Variants in PPM1L observed in about 807,000 individuals in gnomAD.
The protein encoded by PPM1L is protein phosphatase 1L.
In PPM1L, 13 loss-of-function variants were observed where a neutral mutation model predicts 31.4. The observed-to-expected ratio is 0.41, with a 90% CI of 0.27 to 0.66. The LOEUF is 0.66. PPM1L is among the 30% of genes least tolerant of loss of function. The pLI is 0.29. For synonymous variants in PPM1L, 184 were observed against 175.4 expected (o/e 1.05, Z -0.39); for missense variants, 326 against 453.7 (o/e 0.72, Z 2.56).
At chr3:160,933,419 A>T (rs1376278032) in intron 1 of PPM1L, among the ~76,000 whole-genome samples, 1 of 152,242 alleles carries the variant, frequency 6.6e-6, no homozygotes, top group African/African-American at 2.4e-5. Flanking sequence ...GTAAGCATAA[A>T]GGTATCTTCA....
At position 161,065,607 on chromosome 3, in the gene PPM1L, G is replaced by GT; in HGVS notation, c.736+43_736+44insT. The GT allele has an allele frequency of 1.9e-6, 3 of 1,591,350 alleles. No individual in the cohort carries two copies. The South Asian group carries it at 3.4e-5, about 18-fold the overall frequency. On this transcript the variant is annotated intron_variant, in intron 3 of 3. Transcript: ENST00000498165. ...TCCAAGAAATGTCTGCTGTCTTGCT[G>GT]GTGAACAAGGCGGCTTGCTTGGAGA...
intron 1 of PPM1L, among the ~76,000 whole-genome samples, chr3:160,916,727 TAA>T (rs1322526551): frequency 6.6e-6 from 1 of 152,166 alleles, no homozygotes; most frequent in African/African-American, 2.4e-5. Flanking sequence ...GTTTCTAACT[TAA>T]GTTACTGCTT....
intron 2 of PPM1L, among the ~76,000 whole-genome samples, chr3:161,046,375 C>T (rs1419226838): frequency 6.6e-6 from 1 of 151,918 alleles, no homozygotes; most frequent in Non-Finnish European, 1.5e-5. Flanking sequence ...TACACCATCC[C>T]GAGACTAAAC....
intron 1 of PPM1L, among the ~76,000 whole-genome samples, chr3:160,805,677 A>G (rs1348732176): frequency 6.6e-6 from 1 of 152,148 alleles, no homozygotes; most frequent in Non-Finnish European, 1.5e-5. Flanking sequence ...AGCCGAGATC[A>G]TGCCGTTGCA....
chr3:160,944,006 C>T (rs1715243675), intron 1 of PPM1L, among the ~76,000 whole-genome samples: 2 of 152,166 alleles, frequency 1.3e-5, no homozygotes, highest in South Asian at 4.1e-4. Flanking sequence ...TGCTTTATGA[C>T]ATCTGGAACT....
intron 1 of PPM1L, among the ~76,000 whole-genome samples, chr3:160,809,477 C>A (rs9883862): frequency 0.55 from 83,077 of 151,918 alleles, 26,128 homozygotes; most frequent in African/African-American, 0.87. Flanking sequence ...TCAACCCCTC[C>A]GTTGTGGGAG....
chr3:160,775,940 A>G lies in PPM1L; in HGVS notation c.399+19233A>G, dbSNP rs1342972821. Among the ~76,000 whole-genome samples the G allele has an allele frequency of 4.6e-5, 7 of 152,354 alleles. No homozygotes were observed. The East Asian group carries it at 1.2e-3, about 25-fold the overall frequency. ...GTGATTTATAGACTTGAGATTTAGA[A>G]CTCAAACATTCTTGGTTTGTACTCA... On this transcript the variant is annotated intron_variant, in intron 1 of 3. Transcript: ENST00000498165.
rs1432166131 is a variant in PPM1L, at chr3:161,075,870, A to G, written c.*6713A>G. ...ATTTTTTTCTGATGAAAATGGATACATGAGATCTCATTTATTGCTCTCCTC... is the reference window on the plus strand; with the variant it reads ...ATTTTTTTCTGATGAAAATGGATACGTGAGATCTCATTTATTGCTCTCCTC... On this transcript the variant is annotated 3_prime_UTR_variant, in exon 4 of 4. Coordinates refer to ENST00000498165, the MANE Select transcript of PPM1L (RefSeq NM_139245.4). 1 of 152,192 alleles carries G rather than the reference A, an allele frequency of 6.6e-6. No individual in the cohort carries two copies. Among genetic ancestry groups the G allele is most frequent in the South Asian group, 2.1e-4 (1 of 4,830 alleles). The allele number at this position is 152,192 out of a possible 1,614,324, so 9.4% of individuals were successfully genotyped here.
At chr3:160,858,072 A>G (rs571471187) in intron 1 of PPM1L, among the ~76,000 whole-genome samples, 1 of 152,154 alleles carries the variant, frequency 6.6e-6, no homozygotes, top group Non-Finnish European at 1.5e-5. Flanking sequence ...TTTAGTTGAC[A>G]TTTGAAATGG....
intron 1 of PPM1L, among the ~76,000 whole-genome samples, chr3:160,905,656 GTTTA>G (rs1481068126): frequency 6.6e-6 from 1 of 152,094 alleles, no homozygotes; most frequent in East Asian, 1.9e-4. Context: ...GACAGATGCA[GTTTA>G]TTTTAGTATA....
At chr3:160,927,606 ATG>A (rs141545778) in intron 1 of PPM1L, among the ~76,000 whole-genome samples, 178 of 147,980 alleles carry the variant, frequency 1.2e-3, no homozygotes, top group Middle Eastern at 3.6e-3. Flanking sequence ...TCATTTCCCT[ATG>A]TGTGTGTGTG....
At chr3:160,914,659 T>A (rs914343037) in intron 1 of PPM1L, among the ~76,000 whole-genome samples, 32 of 152,150 alleles carry the variant, frequency 2.1e-4, no homozygotes, top group Non-Finnish European at 2.1e-4. Context: ...ATGGTGTATA[T>A]GTGCCACATT....
chr3:160,867,713 T>C (rs906424251), intron 1 of PPM1L, among the ~76,000 whole-genome samples: 1 of 152,222 alleles, frequency 6.6e-6, no homozygotes, highest in Non-Finnish European at 1.5e-5. Context: ...GCGATAATTT[T>C]TTAATGAATG....
At chr3:161,044,020 A>C (rs749238939) in intron 2 of PPM1L, among the ~76,000 whole-genome samples, 2 of 152,182 alleles carry the variant, frequency 1.3e-5, no homozygotes, top group Non-Finnish European at 2.9e-5. Flanking sequence ...GATTTATTTG[A>C]ATATCTCATT....
intron 2 of PPM1L, among the ~76,000 whole-genome samples, chr3:161,045,469 A>C (rs987291487): frequency 6.6e-6 from 1 of 152,226 alleles, no homozygotes; most frequent in Non-Finnish European, 1.5e-5. Flanking sequence ...TAAGAAACTT[A>C]ATCAAAACCG....
chr3:160,955,524 G>T (rs1215727336), intron 1 of PPM1L, among the ~76,000 whole-genome samples: 1 of 151,874 alleles, frequency 6.6e-6, no homozygotes, highest in Admixed American at 6.6e-5. Flanking sequence ...AGTATTTCAT[G>T]TGTGTTTTGT....
chr3:160,907,938 A>T (rs1713819643), intron 1 of PPM1L, among the ~76,000 whole-genome samples: 1 of 152,208 alleles, frequency 6.6e-6, no homozygotes, highest in Admixed American at 6.5e-5. Context: ...ACCTACGAGA[A>T]TCCAGAAGGT....
At chr3:161,000,662 T>C (rs1286759717) in intron 2 of PPM1L, among the ~76,000 whole-genome samples, 1 of 152,166 alleles carries the variant, frequency 6.6e-6, no homozygotes, top group Non-Finnish European at 1.5e-5. Flanking sequence ...TTGATTGCAA[T>C]GACTTTTATA....
intron 1 of PPM1L, among the ~76,000 whole-genome samples, chr3:160,793,720 T>C (rs1489873665): frequency 1.3e-5 from 2 of 152,178 alleles, no homozygotes; most frequent in African/African-American, 2.4e-5. Context: ...TTTATTTCAA[T>C]AGACAGTTTG....
Sources: gnomAD v4.1 joint callset for allele counts (sites outside exome capture counted in the v4.1 genomes callset) on GRCh38, gnomAD v4.1.1 for gene constraint, MANE v1.5 for transcripts, NCBI Gene and HGNC (gene_info 2026-07-23, HGNC 2026-07-21) for gene names.